PTCSC3: variants seen among roughly 807,000 people sequenced by gnomAD.
PTCSC3 encodes the protein papillary thyroid carcinoma susceptibility candidate 3 (non-protein coding).
intron 1 of PTCSC3, among the ~76,000 whole-genome samples, chr14:36,171,258 C>T (rs1414507822): frequency 2.0e-5 from 3 of 152,008 alleles, no homozygotes; most frequent in Non-Finnish European, 4.4e-5. Flanking sequence ...TGATTGAGTG[C>T]GATTATAAAC....
At chr14:36,146,631 G>GTGTT (rs1265295961) in intron 3 of PTCSC3, among the ~76,000 whole-genome samples, 64 of 152,340 alleles carry the variant, frequency 4.2e-4, no homozygotes, top group African/African-American at 1.5e-3. Context: ...GCCAGTCTGT[G>GTGTT]TGTTTTAATT....
chr14:36,151,525 T>C (rs1881723346), intron 3 of PTCSC3, among the ~76,000 whole-genome samples: 1 of 151,698 alleles, frequency 6.6e-6, no homozygotes, highest in Admixed American at 6.6e-5. Flanking sequence ...GTACCTTTTG[T>C]CTTGTCCCAC....
At chr14:36,140,172 C>A (rs529438090) in intron 3 of PTCSC3, among the ~76,000 whole-genome samples, 1 of 152,240 alleles carries the variant, frequency 6.6e-6, no homozygotes, top group Admixed American at 6.5e-5. Context: ...TAGCACATTT[C>A]TTTTTAGTGC....
At chr14:36,157,082 C>T (rs1172302498) in intron 2 of PTCSC3, among the ~76,000 whole-genome samples, 1 of 152,158 alleles carries the variant, frequency 6.6e-6, no homozygotes, top group African/African-American at 2.4e-5. Flanking sequence ...TCTGTTGTTT[C>T]CTGACTTTTT....
intron 3 of PTCSC3, among the ~76,000 whole-genome samples, chr14:36,140,469 T>C (rs1390798090): frequency 6.6e-6 from 1 of 152,244 alleles, no homozygotes; most frequent in Admixed American, 6.5e-5. Context: ...CCATAATAGA[T>C]GCGAGGTCCT....
At chr14:36,157,716 T>C (rs948494121) in intron 2 of PTCSC3, among the ~76,000 whole-genome samples, 4 of 152,182 alleles carry the variant, frequency 2.6e-5, no homozygotes, top group Non-Finnish European at 4.4e-5. Context: ...ATCTTTTTGC[T>C]TAGGATTGTC....
At chr14:36,156,172 C>A (rs1302827924) in intron 2 of PTCSC3, among the ~76,000 whole-genome samples, 1 of 152,196 alleles carries the variant, frequency 6.6e-6, no homozygotes, top group African/African-American at 2.4e-5. Context: ...CGTCTCTGCT[C>A]ATGGTGAGCA....
At chr14:36,143,910 T>C (rs1881490770) in intron 3 of PTCSC3, among the ~76,000 whole-genome samples, 1 of 151,120 alleles carries the variant, frequency 6.6e-6, no homozygotes, top group Non-Finnish European at 1.5e-5. Flanking sequence ...ATTTATTAAA[T>C]AGGGAATCCT....
At chr14:36,169,505 A>G (rs1882155214) in intron 1 of PTCSC3, among the ~76,000 whole-genome samples, 1 of 152,156 alleles carries the variant, frequency 6.6e-6, no homozygotes, top group Non-Finnish European at 1.5e-5. Flanking sequence ...TGACAAGGAT[A>G]GCTTTTTGAA....
chr14:36,141,632 C>G (rs1048711817), intron 3 of PTCSC3, among the ~76,000 whole-genome samples: 1 of 151,878 alleles, frequency 6.6e-6, no homozygotes, highest in South Asian at 2.1e-4. Flanking sequence ...GGATTACAGG[C>G]GTGAGCCACT....
At chr14:36,135,862 GATAT>G (rs35356826), downstream of PTCSC3, among the ~76,000 whole-genome samples, 1 of 150,358 alleles carries the variant, frequency 6.7e-6, no homozygotes, top group Non-Finnish European at 1.5e-5. Flanking sequence ...TAGAGGGACA[GATAT>G]ATATATATAT....
intron 2 of PTCSC3, among the ~76,000 whole-genome samples, chr14:36,156,821 C>A (rs1379951346): frequency 1.3e-5 from 2 of 152,124 alleles, no homozygotes; most frequent in Non-Finnish European, 2.9e-5. Context: ...CATTGATGGG[C>A]ATTTGGGTTG....
At chr14:36,172,129 G>A (rs1882203972) in intron 1 of PTCSC3, among the ~76,000 whole-genome samples, 1 of 152,114 alleles carries the variant, frequency 6.6e-6, no homozygotes, top group Admixed American at 6.6e-5. Flanking sequence ...TTTGTGCCTG[G>A]CTTGCATTGT....
intron 1 of PTCSC3, chr14:36,164,000 C>T (rs915681365): frequency 6.6e-6 from 1 of 152,126 alleles, no homozygotes; most frequent in Admixed American, 6.5e-5. Flanking sequence ...TATATATGCA[C>T]CACATAGATG....
chr14:36,147,462 T>C (rs530770171), intron 3 of PTCSC3, among the ~76,000 whole-genome samples: 1 of 152,358 alleles, frequency 6.6e-6, no homozygotes, highest in East Asian at 1.9e-4. Context: ...CATCGGCTCC[T>C]GAGGCTTCTG....
At chr14:36,162,162 G>C (rs535902000) in intron 2 of PTCSC3, among the ~76,000 whole-genome samples, 7 of 151,536 alleles carry the variant, frequency 4.6e-5, no homozygotes, top group African/African-American at 9.7e-5. Context: ...GGGTGGGATC[G>C]GCTGAGCAAG....
intron 2 of PTCSC3, among the ~76,000 whole-genome samples, chr14:36,159,561 G>A (rs960037557): frequency 6.6e-6 from 1 of 152,110 alleles, no homozygotes; most frequent in African/African-American, 2.4e-5. Flanking sequence ...GTGGTTTTGA[G>A]TTTCTTAATC....
intron 3 of PTCSC3, among the ~76,000 whole-genome samples, chr14:36,139,502 C>T (rs1482711064): frequency 6.6e-6 from 1 of 152,190 alleles, no homozygotes; most frequent in Non-Finnish European, 1.5e-5. Flanking sequence ...ATCTGAGCCA[C>T]CATCACCCTG....
At chr14:36,158,207 A>G (rs1180333604) in intron 2 of PTCSC3, among the ~76,000 whole-genome samples, 2 of 152,190 alleles carry the variant, frequency 1.3e-5, no homozygotes, top group African/African-American at 4.8e-5. Flanking sequence ...AAACAGAGAC[A>G]ATTTGACTTC....
Sources: gnomAD v4.1 joint callset for allele counts (sites outside exome capture counted in the v4.1 genomes callset) on GRCh38, gnomAD v4.1.1 for gene constraint, MANE v1.5 for transcripts, NCBI Gene and HGNC (gene_info 2026-07-23, HGNC 2026-07-21) for gene names.